HEATR5B: variants seen among roughly 807,000 people sequenced by gnomAD.
The protein encoded by HEATR5B is HEAT repeat containing 5B, also known as HEAT repeat-containing protein 5B.
A neutral mutation model predicts 224.1 loss-of-function variants in HEATR5B; 156 were observed. The observed-to-expected ratio is 0.70, with a 90% CI of 0.61 to 0.80. The LOEUF is 0.80. HEATR5B is among the 30% of genes least tolerant of loss of function. The probability of loss-of-function intolerance (pLI) is 0.00; values close to 1 mark genes in which losing one functional copy is unlikely to be tolerated. For synonymous variants in HEATR5B, 1,027 were observed against 893.0 expected (o/e 1.15, Z -2.68); for missense variants, 2,323 against 2,535.5 (o/e 0.92, Z 1.80).
chr2:37,014,160 G>C, intron 26 of HEATR5B, 140 bp from the exon 27 acceptor site: 1 of 435,012 alleles, frequency 2.3e-6, no homozygotes, highest in Non-Finnish European at 4.0e-6. Flanking sequence ...GCTATGCTTT[G>C]ATATTATTAT....
rs1303574222 is a variant in HEATR5B at position 37,075,479 on chromosome 2, A to G, written c.597+6T>C. 1 of 1,609,300 alleles carries G rather than the reference A, an allele frequency of 6.2e-7. No homozygotes were observed. The highest frequency in any genetic ancestry group is 1.7e-5 in the Admixed American group (1 of 59,268). On this transcript the variant is annotated splice_donor_region_variant and intron_variant, in intron 5 of 35. Coordinates refer to ENST00000233099, the MANE Select transcript of HEATR5B (RefSeq NM_019024.3). ...GAGCAGTATTCTAAATTGGTCGAGT[A>G]CTAACCTTGGCCACTGCACATCGAA...
chr2:37,030,243 T>C (rs10495869), intron 22 of HEATR5B, among the ~76,000 whole-genome samples: 23,417 of 151,966 alleles, frequency 0.15, 2,451 homozygotes, highest in East Asian at 0.52. Flanking sequence ...TTGAAGAAAA[T>C]AGCCATAGTG....
At chr2:37,003,747 T>C (rs1475569966) in intron 30 of HEATR5B, 61 bp from the exon 31 acceptor site, 1 of 1,168,000 alleles carries the variant, frequency 8.6e-7, no homozygotes, top group Non-Finnish European at 1.1e-6. Context: ...AACTTTATAT[T>C]GTTAAAATCT....
At chr2:37,077,055 G>C in intron 3 of HEATR5B, 36 bp from the exon 4 acceptor site, 3 of 1,450,174 alleles carry the variant, frequency 2.1e-6, no homozygotes, top group African/African-American at 1.4e-5. Flanking sequence ...TCATTGTCCA[G>C]GTTAATGATA....
intron 11 of HEATR5B, among the ~76,000 whole-genome samples, chr2:37,061,450 T>C (rs1176522289): frequency 1.3e-5 from 2 of 152,194 alleles, no homozygotes; most frequent in Non-Finnish European, 2.9e-5. Context: ...AACTAAAATA[T>C]GAACATACCC....
At position 37,049,611 on chromosome 2, in the gene HEATR5B, T is replaced by C. The variant is rs762629222; in HGVS notation, c.2696+42A>G. On this transcript the variant is annotated intron_variant, in intron 18 of 35. Transcript: ENST00000233099. ...AGTTGATTATTATTTAAAAGACATC[T>C]TTGCCTACACATGAAACTTGTTAGT... The C allele has an allele frequency of 4.3e-5, 64 of 1,505,432 alleles. No individual in the cohort carries two copies. The Admixed American group carries it at 1.1e-3, about 25-fold the overall frequency. 93.3% of individuals were successfully genotyped at this position (1,505,432 alleles called of 1,614,324 possible).
chr2:37,040,476 C>A lies in HEATR5B; in HGVS notation c.2899G>T (p.Gly967Cys). 6.2e-7 allele frequency: 1 copy of A among 1,612,312 alleles called. No individual in the cohort carries two copies. Among genetic ancestry groups the A allele is most frequent in the Non-Finnish European group, 8.5e-7 (1 of 1,179,528 alleles). ...TCCACATAGCCACGATACATCGGAC[C>A]ACTAGAATCCACTATCAAAGCAAGT... Reference protein sequence around the residue: ...HSLALIVDSSGPMYRGYVEPT... With the variant: ...HSLALIVDSSCPMYRGYVEPT... Residue 967 changes from glycine to cysteine, a missense_variant, in exon 20 of 36, where the codon GGT (glycine) becomes TGT (cysteine). This residue lies in a region of HEATR5B where 44 missense variants were observed against 39.0 expected (regional missense o/e 1.13). Transcript: ENST00000233099.
intron 26 of HEATR5B, 114 bp downstream of exon 26, chr2:37,019,695 G>A (rs1668347876): frequency 6.1e-6 from 4 of 653,152 alleles, no homozygotes; most frequent in South Asian, 1.9e-5. Context: ...GAATTCAAGC[G>A]ATCCTCCCAT....
chr2:37,044,840 C>G (rs959841322), intron 18 of HEATR5B, among the ~76,000 whole-genome samples: 2 of 152,172 alleles, frequency 1.3e-5, no homozygotes, highest in African/African-American at 4.8e-5. Flanking sequence ...TAATTCCAGT[C>G]CTTTTTCTCT....
intron 5 of HEATR5B, 52 bp downstream of exon 5, chr2:37,075,433 T>C (rs1218840399): frequency 1.4e-6 from 2 of 1,439,918 alleles, no homozygotes; most frequent in African/African-American, 1.4e-5. Flanking sequence ...TCGTTGACTG[T>C]TTAAGAGCAA....
At chr2:37,080,716 T>G (rs527249988) in intron 2 of HEATR5B, among the ~76,000 whole-genome samples, 2 of 152,216 alleles carry the variant, frequency 1.3e-5, no homozygotes, top group South Asian at 2.1e-4. Context: ...AATCATTATT[T>G]TATAGATGAT....
intron 5 of HEATR5B, among the ~76,000 whole-genome samples, chr2:37,075,088 A>G (rs953416139): frequency 6.6e-6 from 1 of 152,220 alleles, no homozygotes. Context: ...AAATGAAAGC[A>G]TATGTTTGTG....
At chr2:37,045,568 C>T (rs1187343333) in intron 18 of HEATR5B, among the ~76,000 whole-genome samples, 2 of 152,142 alleles carry the variant, frequency 1.3e-5, no homozygotes, top group Non-Finnish European at 2.9e-5. Context: ...TTCACCTATT[C>T]CCTTTTGGTG....
intron 17 of HEATR5B, among the ~76,000 whole-genome samples, chr2:37,050,741 C>T (rs547251547): frequency 6.6e-6 from 1 of 152,200 alleles, no homozygotes; most frequent in Admixed American, 6.5e-5. Context: ...AATCAACATA[C>T]ATCTAAAAAC....
chr2:36,981,488 A>T lies in HEATR5B; in HGVS notation c.*2T>A, dbSNP rs146963728. 11 of 1,596,308 alleles carry T rather than the reference A, an allele frequency of 6.9e-6. No homozygotes were observed. In the African/African-American group the frequency reaches 1.4e-4, roughly 20 times the overall value. ...ATAAATACAAATAAATGAAATTACA[A>T]ATTAAAAAAAACTTGTTTTTAGCTT... is the stretch of plus-strand genomic sequence containing the variant. On this transcript the variant is annotated 3_prime_UTR_variant, in exon 36 of 36. Coordinates refer to ENST00000233099, the MANE Select transcript of HEATR5B (RefSeq NM_019024.3).
chr2:37,023,105 G>T (rs1352827812), intron 24 of HEATR5B, among the ~76,000 whole-genome samples: 1 of 146,984 alleles, frequency 6.8e-6, no homozygotes, highest in Admixed American at 6.7e-5. Flanking sequence ...AATAACTAAG[G>T]GAGAAATGAA....
intron 18 of HEATR5B, among the ~76,000 whole-genome samples, chr2:37,049,318 G>T (rs910481686): frequency 6.6e-6 from 1 of 152,170 alleles, no homozygotes; most frequent in South Asian, 2.1e-4. Context: ...GAGGGACAAG[G>T]AAAGGGAGGG....
intron 24 of HEATR5B, among the ~76,000 whole-genome samples, chr2:37,026,090 T>A (rs981414323): frequency 6.6e-6 from 1 of 152,202 alleles, no homozygotes; most frequent in Non-Finnish European, 1.5e-5. Flanking sequence ...TCTAATCACA[T>A]GAGTCCTTAA....
Position 37,003,617 on chromosome 2 carries a change from G to C in HEATR5B, c.4975C>G (p.Leu1659Val), listed in dbSNP as rs2148381033. 1 of 1,610,668 alleles carries C rather than the reference G, an allele frequency of 6.2e-7. No individual in the cohort carries two copies. The highest frequency in any genetic ancestry group is 2.2e-5 in the East Asian group (1 of 44,852). ...TGTTGTACAACTCCAGTAACCAACA[G>C]CTGGACAGATGATGGATTCCAGGTC... The part of the protein sequence containing the change: ...LLTWNPSSVQ[L>V]LVTGVVQQIV... Residue 1659 changes from leucine to valine, a missense_variant, in exon 31 of 36, where the codon CTG becomes GTG. This residue lies in a region of HEATR5B where 844 missense variants were observed against 812.9 expected (regional missense o/e 1.04). Transcript: ENST00000233099.
Sources: allele counts gnomAD v4.1 joint callset (sites outside exome capture counted in the v4.1 genomes callset), GRCh38; gene constraint gnomAD v4.1.1; regional missense constraint gnomAD v4.1.1; transcripts MANE v1.5; gene names NCBI Gene and HGNC (gene_info 2026-07-23, HGNC 2026-07-21).